Variants in LRP1B observed in about 807,000 individuals in gnomAD.
The protein encoded by LRP1B is LDL receptor related protein 1B, also known as low-density lipoprotein receptor-related protein 1B.
A neutral mutation model predicts 556.6 loss-of-function variants in LRP1B; 217 were observed. The observed-to-expected ratio is 0.39, with a 90% CI of 0.35 to 0.44. The LOEUF is 0.44. Among genes scored for constraint, LRP1B ranks in the 20% least tolerant of loss-of-function variants. The pLI is 1.00. For missense variants in LRP1B, 5,053 were observed against 5,620.8 expected, an observed-to-expected ratio of 0.90 and a Z score of 3.23; for synonymous variants, 2,047 against 1,865.8, an observed-to-expected ratio of 1.10 and a Z score of -2.50.
chr2:140,277,453 G>T (rs1682723451), intron 84 of LRP1B, among the ~76,000 whole-genome samples: 2 of 151,864 alleles, frequency 1.3e-5, no homozygotes, highest in South Asian at 4.2e-4. Flanking sequence ...TGGATGTGGT[G>T]GTGGGCACCT....
chr2:140,307,853 T>G (rs1354169103), intron 83 of LRP1B, among the ~76,000 whole-genome samples: 1 of 151,766 alleles, frequency 6.6e-6, no homozygotes, highest in African/African-American at 2.4e-5. Flanking sequence ...CCAATCTAGA[T>G]CACATCTGAA....
chr2:141,109,493 C>A (rs925335004), intron 7 of LRP1B, among the ~76,000 whole-genome samples: 1 of 151,954 alleles, frequency 6.6e-6, no homozygotes, highest in African/African-American at 2.4e-5. Flanking sequence ...ATTTTTAGTT[C>A]TTTCACTTCA....
intron 1 of LRP1B, among the ~76,000 whole-genome samples, chr2:142,000,607 A>G (rs1378439528): frequency 6.6e-6 from 1 of 152,214 alleles, no homozygotes; most frequent in Admixed American, 6.5e-5. Context: ...GAGAATTAAA[A>G]TTAGGGTCTG....
At chr2:140,301,810 G>T (rs1328287384) in intron 83 of LRP1B, among the ~76,000 whole-genome samples, 2 of 151,228 alleles carry the variant, frequency 1.3e-5, no homozygotes, top group African/African-American at 4.9e-5. Flanking sequence ...CATATATAAA[G>T]TACAGAAAAA....
In LRP1B at chr2:140,441,135, T is replaced by C. The variant is rs140241696; in HGVS notation, c.10414+1369A>G. Among the ~76,000 whole-genome samples the C allele has an allele frequency of 4.1e-3, 626 of 152,224 alleles. 5 individuals are homozygous for C. Among genetic ancestry groups the C allele is most frequent in the African/African-American group, 0.015 (603 of 41,552 alleles). On this transcript the variant is annotated intron_variant, in intron 66 of 90. Coordinates refer to ENST00000389484, the MANE Select transcript of LRP1B (RefSeq NM_018557.3). ...TTAGGTATTGTTGTTACTAGGGTGA[T>C]TGATAATAATCTATTTGAAGCATAT...
intron 2 of LRP1B, among the ~76,000 whole-genome samples, chr2:141,703,364 A>T (rs1057017077): frequency 1.3e-5 from 2 of 151,910 alleles, no homozygotes; most frequent in African/African-American, 4.8e-5. Flanking sequence ...CAGGGTGTTA[A>T]ATTAAAAGGC....
intron 58 of LRP1B, 25 bp downstream of exon 58, chr2:140,487,592 T>C (rs6759382): frequency 0.013 from 20,802 of 1,582,278 alleles, 641 homozygotes; most frequent in African/African-American, 0.13. Context: ...TATTCAACAA[T>C]CCCATCATTG....
chr2:141,403,883 TTACACTGCCC>T (rs1454242812), intron 3 of LRP1B, among the ~76,000 whole-genome samples: 10 of 152,122 alleles, frequency 6.6e-5, no homozygotes, highest in African/African-American at 2.2e-4. Context: ...GTTATCACAG[TTACACTGCCC>T]TACTTCTGAT....
intron 1 of LRP1B, among the ~76,000 whole-genome samples, chr2:142,107,945 G>T (rs1356481402): frequency 6.7e-6 from 1 of 149,654 alleles, no homozygotes; most frequent in African/African-American, 2.4e-5. Flanking sequence ...CATGCCCAGT[G>T]GATTCAATGA....
chr2:141,580,240 A>G (rs1430064678), intron 2 of LRP1B, among the ~76,000 whole-genome samples: 1 of 152,204 alleles, frequency 6.6e-6, no homozygotes, highest in African/African-American at 2.4e-5. Flanking sequence ...AATAAATTAC[A>G]TCACATGGAT....
chr2:141,500,195 T>C (rs533498011), intron 2 of LRP1B, among the ~76,000 whole-genome samples: 1 of 152,234 alleles, frequency 6.6e-6, no homozygotes, highest in South Asian at 2.1e-4. Context: ...TTGTCTTCCA[T>C]TAGCTTTCCC....
chr2:141,526,863 C>A (rs1684708868), intron 2 of LRP1B, among the ~76,000 whole-genome samples: 1 of 152,040 alleles, frequency 6.6e-6, no homozygotes, highest in African/African-American at 2.4e-5. Context: ...GTATATGAAC[C>A]ATTTAGATAA....
chr2:141,178,432 C>G (rs1334438228), intron 7 of LRP1B, among the ~76,000 whole-genome samples: 1 of 152,108 alleles, frequency 6.6e-6, no homozygotes, highest in African/African-American at 2.4e-5. Context: ...TTTAGATACA[C>G]AGGACAGTGG....
intron 2 of LRP1B, among the ~76,000 whole-genome samples, chr2:141,542,589 C>T (rs1300541593): frequency 6.6e-6 from 1 of 151,876 alleles, no homozygotes; most frequent in African/African-American, 2.4e-5. Context: ...TGAACTTTTT[C>T]CTAAATAAAA....
At chr2:141,443,637 C>T (rs1392599340) in intron 3 of LRP1B, among the ~76,000 whole-genome samples, 2 of 152,006 alleles carry the variant, frequency 1.3e-5, no homozygotes, top group East Asian at 3.9e-4. Flanking sequence ...AATTTCAGTT[C>T]TCTGCATATG....
At chr2:141,312,629 TAGTA>T (rs1021791074) in intron 3 of LRP1B, among the ~76,000 whole-genome samples, 9 of 152,264 alleles carry the variant, frequency 5.9e-5, no homozygotes, top group East Asian at 1.9e-4. Context: ...TAAGTTGCAT[TAGTA>T]AGTATTTTTC....
At chr2:142,121,917 G>T (rs1297356927) in intron 1 of LRP1B, among the ~76,000 whole-genome samples, 1 of 151,702 alleles carries the variant, frequency 6.6e-6, no homozygotes, top group East Asian at 1.9e-4. Context: ...AAATTTGAAT[G>T]AAAAGCGAAG....
intron 11 of LRP1B, among the ~76,000 whole-genome samples, chr2:141,036,812 A>C (rs1468977781): frequency 6.6e-6 from 1 of 152,058 alleles, no homozygotes; most frequent in Non-Finnish European, 1.5e-5. Flanking sequence ...CTAACCCTGG[A>C]AAAGGGGCAC....
intron 1 of LRP1B, among the ~76,000 whole-genome samples, chr2:141,979,263 T>C (rs547450818): frequency 6.6e-6 from 1 of 152,130 alleles, no homozygotes; most frequent in Non-Finnish European, 1.5e-5. Context: ...AGCAAAGAGA[T>C]AGAAATGTTT....
Sources: gnomAD v4.1 joint callset for allele counts (sites outside exome capture counted in the v4.1 genomes callset) on GRCh38, gnomAD v4.1.1 for gene constraint, MANE v1.5 for transcripts, NCBI Gene and HGNC (gene_info 2026-07-23, HGNC 2026-07-21) for gene names.